Variants in HUNK observed in about 807,000 individuals in gnomAD.
HUNK encodes the protein hormonally up-regulated Neu-associated kinase.
A neutral mutation model predicts 61.0 loss-of-function variants in HUNK; 21 were observed. That is an observed-to-expected ratio of 0.34 (90% CI 0.24 to 0.50). The LOEUF is 0.50. Among genes scored for constraint, HUNK ranks in the 20% least tolerant of loss-of-function variants. HUNK has a pLI of 0.98. For synonymous variants in HUNK, 371 were observed against 386.1 expected, an observed-to-expected ratio of 0.96 and a Z score of 0.46; for missense variants, 772 against 945.7, an observed-to-expected ratio of 0.82 and a Z score of 2.41.
At chr21:31,879,603 C>G (rs2052291053) in intron 1 of HUNK, among the ~76,000 whole-genome samples, 1 of 152,138 alleles carries the variant, frequency 6.6e-6, no homozygotes, top group Non-Finnish European at 1.5e-5. Flanking sequence ...TGAGTCACGG[C>G]TATAGCTACC....
chr21:31,948,946 C>T (rs76929906), intron 4 of HUNK, among the ~76,000 whole-genome samples: 4,022 of 152,294 alleles, frequency 0.026, 209 homozygotes, highest in East Asian at 0.15. Flanking sequence ...TGCTTGTCAG[C>T]GAGGAGGTGA....
chr21:31,936,968 G>C (rs1309430384), intron 2 of HUNK, among the ~76,000 whole-genome samples: 3 of 152,150 alleles, frequency 2.0e-5, no homozygotes, highest in Non-Finnish European at 4.4e-5. Flanking sequence ...CAGGCAAAGA[G>C]GGCTTAACTT....
intron 7 of HUNK, among the ~76,000 whole-genome samples, chr21:31,979,413 G>A (rs1041301330): frequency 7.7e-5 from 11 of 142,022 alleles, no homozygotes; most frequent in Non-Finnish European, 1.2e-4. Flanking sequence ...CACCGCGCCC[G>A]GCCCCTATTG....
At chr21:31,993,101 G>C (rs953000662) in intron 9 of HUNK, among the ~76,000 whole-genome samples, 2 of 152,092 alleles carry the variant, frequency 1.3e-5, no homozygotes, top group East Asian at 3.9e-4. Context: ...CTGTCTGGGG[G>C]TGCATTTTTC....
chr21:31,948,656 C>T (rs973971427), intron 4 of HUNK, among the ~76,000 whole-genome samples: 6 of 151,458 alleles, frequency 4.0e-5, no homozygotes, highest in Admixed American at 6.6e-5. Context: ...AAAGGAAGGA[C>T]GGAGGGAGGG....
chr21:32,002,529 G>A lies in HUNK; in HGVS notation c.*3345G>A, dbSNP rs1298055597. On this transcript the variant is annotated 3_prime_UTR_variant, in exon 11 of 11. Transcript: ENST00000270112. ...AGTCTTTCTGACATACACACTGCAG[G>A]TGGCAGTTCAAGAAGAATCAACCTT... The A allele has an allele frequency of 6.6e-6, 1 of 152,240 alleles. No homozygotes were observed. The highest frequency in any genetic ancestry group is 1.9e-4 in the East Asian group (1 of 5,196). 9.4% of individuals were successfully genotyped at this position (152,240 alleles called of 1,614,324 possible). A position where few individuals can be genotyped will look rare whatever the true frequency, so the allele number is the denominator to read the frequency against.
intron 9 of HUNK, 100 bp from the exon 10 acceptor site, chr21:31,995,668 G>T (rs2053199393): frequency 1.1e-6 from 1 of 935,418 alleles, no homozygotes; most frequent in Non-Finnish European, 1.7e-6. Flanking sequence ...GTATTGAAAA[G>T]GTGGAGTTTC....
At chr21:31,976,727 A>G (rs2053052526) in intron 7 of HUNK, among the ~76,000 whole-genome samples, 1 of 150,098 alleles carries the variant, frequency 6.7e-6, no homozygotes, top group Non-Finnish European at 1.5e-5. Flanking sequence ...TCAGCCTCCC[A>G]AAGTGCTGGG....
intron 2 of HUNK, among the ~76,000 whole-genome samples, chr21:31,926,818 G>A (rs1391587949): frequency 2.0e-5 from 3 of 152,064 alleles, no homozygotes; most frequent in African/African-American, 7.2e-5. Context: ...ACTCTTAGGA[G>A]TGGAATTGCT....
intron 2 of HUNK, among the ~76,000 whole-genome samples, chr21:31,934,725 G>A (rs989503332): frequency 6.6e-6 from 1 of 151,944 alleles, no homozygotes; most frequent in South Asian, 2.1e-4. Flanking sequence ...TGTACCCAAT[G>A]TTCAGCTCCC....
At position 31,916,740 on chromosome 21, in the gene HUNK, T is replaced by C. The variant is rs540495633; in HGVS notation, c.262-7728T>C. Among the ~76,000 whole-genome samples the C allele has an allele frequency of 5.9e-5, 9 of 151,844 alleles. No individual in the cohort carries two copies. In the South Asian group the frequency reaches 1.9e-3, roughly 32 times the overall value. ...CACCCAGGCTGGAGTGCAATGGAGC[T>C]TTCTTGGCTCACTGCAGGCTCTGCC... On this transcript the variant is annotated intron_variant, in intron 1 of 10. Transcript: ENST00000270112.
chr21:31,912,560 G>A (rs1261058716), intron 1 of HUNK, among the ~76,000 whole-genome samples: 2 of 151,858 alleles, frequency 1.3e-5, no homozygotes, highest in African/African-American at 2.4e-5. Context: ...TTTTTTGTTC[G>A]AGATAGGGCC....
chr21:31,969,333 C>T (rs1242073751), intron 6 of HUNK, among the ~76,000 whole-genome samples: 1 of 152,144 alleles, frequency 6.6e-6, no homozygotes, highest in Admixed American at 6.5e-5. Context: ...CCCTAAGACC[C>T]CTGCCTTAAA....
At position 31,924,638 on chromosome 21, in the gene HUNK, T is replaced by C. The variant is rs55847614; in HGVS notation, c.432T>C (p.Pro144=). The C allele has an allele frequency of 2.9e-3, 4,660 of 1,614,132 alleles. 8 individuals are homozygous for C. The highest frequency in any genetic ancestry group is 3.6e-3 in the Non-Finnish European group (4,215 of 1,180,002). Residue 144 remains proline (P), a synonymous_variant, in exon 2 of 11, where the codon CCT becomes CCC. Coordinates refer to ENST00000270112, the MANE Select transcript of HUNK (RefSeq NM_014586.2). The surrounding 1 kb of genome is among the most constrained non-coding windows in gnomAD (Gnocchi z 5.1). Reference sequence around the variant, plus strand: ...ACTACCTGGTCATGGAGCTGTGCCCTGGGGGCAACCTGATGCACAAGATCT... The same window carrying C: ...ACTACCTGGTCATGGAGCTGTGCCCCGGGGGCAACCTGATGCACAAGATCT... ...NSYYLVMELC[P]GGNLMHKIYE...
Position 31,959,137 on chromosome 21 carries a change from C to T in HUNK, c.874+167C>T, listed in dbSNP as rs569573878. Among the ~76,000 whole-genome samples, 71 of 152,132 alleles carry T rather than the reference C, an allele frequency of 4.7e-4. No individual in the cohort carries two copies. In the East Asian group the frequency reaches 0.01, roughly 22 times the overall value. ...AGTGTCAAGGGGTGGTTGGGTTTCCCGTCTCTCAATGGCCACTCATGCCTT... is the reference window on the plus strand; with the variant it reads ...AGTGTCAAGGGGTGGTTGGGTTTCCTGTCTCTCAATGGCCACTCATGCCTT... On this transcript the variant is annotated intron_variant, in intron 5 of 10. Coordinates refer to ENST00000270112, the MANE Select transcript of HUNK (RefSeq NM_014586.2).
intron 5 of HUNK, among the ~76,000 whole-genome samples, chr21:31,965,460 T>G (rs1299065756): frequency 6.6e-6 from 1 of 152,012 alleles, no homozygotes; most frequent in African/African-American, 2.4e-5. Flanking sequence ...AAAGTAAAAG[T>G]TAAAAAAAAA....
chr21:31,974,477 T>C, intron 6 of HUNK, 78 bp from the exon 7 acceptor site: 1 of 1,336,186 alleles, frequency 7.5e-7, no homozygotes, highest in East Asian at 2.4e-5. Context: ...TGAATGAAGC[T>C]GATTGTGCCC....
chr21:31,976,834 G>A (rs1291589919), intron 7 of HUNK, among the ~76,000 whole-genome samples: 1 of 150,272 alleles, frequency 6.7e-6, no homozygotes, highest in East Asian at 2.0e-4. Flanking sequence ...GCAGTGGCAT[G>A]ATCTCGGCTC....
At chr21:31,922,709 T>C (rs1037953057) in intron 1 of HUNK, among the ~76,000 whole-genome samples, 2 of 152,224 alleles carry the variant, frequency 1.3e-5, no homozygotes, top group Non-Finnish European at 2.9e-5. Flanking sequence ...TTCTGTTTTT[T>C]TCTTTATCAT....
Sources: allele counts gnomAD v4.1 joint callset (sites outside exome capture counted in the v4.1 genomes callset), GRCh38; gene constraint gnomAD v4.1.1; non-coding constraint Gnocchi (gnomAD v3.1); transcripts MANE v1.5; gene names NCBI Gene and HGNC (gene_info 2026-07-23, HGNC 2026-07-21).